AIM2: variants seen among roughly 807,000 people sequenced by gnomAD.
AIM2 encodes absent in melanoma 2.
A neutral mutation model predicts 27.7 loss-of-function variants in AIM2; 30 were observed. That is an observed-to-expected ratio of 1.08 (90% confidence interval 0.81 to 1.47). The LOEUF is 1.47. AIM2 is among the 40% of genes most tolerant of loss of function. The pLI is 0.00. For missense variants in AIM2, 358 were observed against 411.3 expected, an observed-to-expected ratio of 0.87 and a Z score of 1.12; for synonymous variants, 141 against 145.3, an observed-to-expected ratio of 0.97 and a Z score of 0.21.
intron 1 of AIM2, among the ~76,000 whole-genome samples, chr1:159,075,951 TATA>T (rs927014166): frequency 3.7e-4 from 57 of 152,338 alleles, no homozygotes; most frequent in African/African-American, 1.3e-3. Flanking sequence ...TTAATGGCCT[TATA>T]ATGTTTTTTC....
intron 2 of AIM2, among the ~76,000 whole-genome samples, chr1:159,071,839 T>C (rs924104826): frequency 3.3e-5 from 5 of 152,200 alleles, no homozygotes; most frequent in African/African-American, 1.2e-4. Context: ...CTACAACTGT[T>C]ACATTTGGAG....
intron 1 of AIM2, among the ~76,000 whole-genome samples, chr1:159,098,931 A>T (rs905976954): frequency 6.6e-6 from 1 of 152,176 alleles, no homozygotes; most frequent in Admixed American, 6.5e-5. Context: ...GACTACTTCA[A>T]TCCACTGAAA....
chr1:159,100,222 T>G (rs12092367), intron 1 of AIM2, among the ~76,000 whole-genome samples: 22 of 152,358 alleles, frequency 1.4e-4, no homozygotes, highest in African/African-American at 5.3e-4. Context: ...CTTAGCCACC[T>G]TCACCTATAA....
upstream of AIM2, among the ~76,000 whole-genome samples, chr1:159,079,023 A>G (rs1323192936): frequency 6.6e-6 from 1 of 152,184 alleles, no homozygotes; most frequent in African/African-American, 2.4e-5. Context: ...GTATACATGT[A>G]TGGACATTTC....
chr1:159,144,907 T>C (rs1648175195), upstream of AIM2, among the ~76,000 whole-genome samples: 1 of 152,332 alleles, frequency 6.6e-6, no homozygotes, highest in African/African-American at 2.4e-5. Flanking sequence ...GGCTATCGCA[T>C]GGAGTAAGAC....
At chr1:159,098,740 C>T (rs912876778) in intron 1 of AIM2, among the ~76,000 whole-genome samples, 3 of 152,118 alleles carry the variant, frequency 2.0e-5, no homozygotes, top group Admixed American at 6.5e-5. Flanking sequence ...GTTTGTTTAA[C>T]AAACATCTTC....
chr1:159,116,461 A>G (rs1369775396), intron 1 of AIM2, among the ~76,000 whole-genome samples: 2 of 152,242 alleles, frequency 1.3e-5, no homozygotes, highest in Non-Finnish European at 2.9e-5. Context: ...AGACTGGATT[A>G]AGAAAATGTG....
intron 1 of AIM2, among the ~76,000 whole-genome samples, chr1:159,098,868 T>C (rs1056849585): frequency 1.3e-5 from 2 of 152,180 alleles, no homozygotes; most frequent in African/African-American, 2.4e-5. Context: ...ACTCCTGAGA[T>C]AGTTTCTGGT....
At chr1:159,109,194 C>T (rs1657515004) in intron 1 of AIM2, among the ~76,000 whole-genome samples, 1 of 152,048 alleles carries the variant, frequency 6.6e-6, no homozygotes, top group African/African-American at 2.4e-5. Flanking sequence ...GCATACTCTA[C>T]TGGTATAAAA....
upstream of AIM2, among the ~76,000 whole-genome samples, chr1:159,143,938 C>T (rs1001473726): frequency 2.6e-5 from 4 of 152,134 alleles, no homozygotes; most frequent in African/African-American, 9.7e-5. Context: ...TTTTTACTCA[C>T]CAAATAAAAT....
chr1:159,136,278 C>T (rs907937883), intron 1 of AIM2, among the ~76,000 whole-genome samples: 2 of 152,158 alleles, frequency 1.3e-5, no homozygotes, highest in Non-Finnish European at 2.9e-5. Flanking sequence ...TCCATACAAT[C>T]TGAAGGTTTA....
downstream of AIM2, among the ~76,000 whole-genome samples, chr1:159,058,838 A>C (rs1254670667): frequency 6.6e-6 from 1 of 152,160 alleles, no homozygotes; most frequent in Non-Finnish European, 1.5e-5. Flanking sequence ...GTGAAAAGGA[A>C]AAGAGGGAAA....
downstream of AIM2, among the ~76,000 whole-genome samples, chr1:159,060,144 T>C (rs537737749): frequency 6.6e-6 from 1 of 152,262 alleles, no homozygotes; most frequent in South Asian, 2.1e-4. Flanking sequence ...TAATTACTAG[T>C]AATGTTGCCA....
chr1:159,063,876 T>C (rs1347127387), intron 4 of AIM2, among the ~76,000 whole-genome samples: 1 of 152,206 alleles, frequency 6.6e-6, no homozygotes, highest in Non-Finnish European at 1.5e-5. Context: ...AACCCTCCTC[T>C]TCCTCCTCAG....
At chr1:159,105,845 G>GT (rs748962670) in intron 1 of AIM2, among the ~76,000 whole-genome samples, 7 of 152,212 alleles carry the variant, frequency 4.6e-5, no homozygotes, top group Admixed American at 1.3e-4. Flanking sequence ...AAAAAGCACC[G>GT]TAAGTTCTCA....
upstream of AIM2, among the ~76,000 whole-genome samples, chr1:159,078,869 C>A (rs1470736214): frequency 6.6e-6 from 1 of 152,130 alleles, no homozygotes; most frequent in Non-Finnish European, 1.5e-5. Context: ...TAGCAACTGG[C>A]CCAAGAAGGG....
intron 1 of AIM2, among the ~76,000 whole-genome samples, chr1:159,092,142 A>G (rs1657060206): frequency 1.3e-5 from 2 of 152,250 alleles, no homozygotes; most frequent in African/African-American, 4.8e-5. Context: ...AAACAAATAT[A>G]TAAACTCATT....
At chr1:159,066,446 G>T in intron 3 of AIM2, 117 bp from the exon 4 acceptor site, 1 of 1,058,560 alleles carries the variant, frequency 9.4e-7, no homozygotes. Flanking sequence ...TGGAATCAAG[G>T]GAAGAGATAC....
At chr1:159,115,232 C>G (rs949355586) in intron 1 of AIM2, among the ~76,000 whole-genome samples, 2 of 152,106 alleles carry the variant, frequency 1.3e-5, no homozygotes, top group African/African-American at 2.4e-5. Flanking sequence ...TAGGAAGAAT[C>G]AATATCGTGA....
Sources: gnomAD v4.1 joint callset for allele counts (sites outside exome capture counted in the v4.1 genomes callset) on GRCh38, gnomAD v4.1.1 for gene constraint, MANE v1.5 for transcripts, NCBI Gene and HGNC (gene_info 2026-07-23, HGNC 2026-07-21) for gene names.